Variants in FBXL17 observed in about 807,000 individuals in gnomAD.
FBXL17 encodes F-box and leucine rich repeat protein 17, also known as F-box/LRR-repeat protein 17.
A neutral mutation model predicts 66.2 loss-of-function variants in FBXL17; 22 were observed. The ratio of observed to expected loss-of-function variants is 0.33; its 90% CI spans 0.24 to 0.47. FBXL17 has a LOEUF of 0.47. FBXL17 is among the 20% of genes least tolerant of loss of function. The pLI is 1.00. For synonymous variants in FBXL17, 474 were observed against 400.5 expected (o/e 1.18, Z -2.19); for missense variants, 878 against 948.2 (o/e 0.93, Z 0.97).
intron 5 of FBXL17, among the ~76,000 whole-genome samples, chr5:108,198,688 A>G (rs1386352144): frequency 6.6e-6 from 1 of 152,206 alleles, no homozygotes; most frequent in Non-Finnish European, 1.5e-5. Flanking sequence ...ATTGTTCTAT[A>G]AACAGTTCCA....
At chr5:108,179,022 T>C (rs114774032) in intron 6 of FBXL17, among the ~76,000 whole-genome samples, 1,941 of 152,296 alleles carry the variant, frequency 0.013, 45 homozygotes, top group African/African-American at 0.043. Context: ...GGGATTGAAA[T>C]GAAATAAAAT....
intron 6 of FBXL17, among the ~76,000 whole-genome samples, chr5:108,072,776 T>C (rs1372093330): frequency 6.6e-6 from 1 of 152,188 alleles, no homozygotes; most frequent in African/African-American, 2.4e-5. Context: ...ACATTTATTA[T>C]CTCATTCCTC....
At position 107,859,390 on chromosome 5, in the gene FBXL17, G is replaced by GTTTTTTTTTTTTTTTTTTTTTTTT. The variant is rs549840338; in HGVS notation, c.*2306_*2329dup. On this transcript the variant is annotated 3_prime_UTR_variant, in exon 9 of 9. Transcript: ENST00000542267. ...CTCAAGGTGATGCTTTTTTCTGGCT[G>GTTTTTTTTTTTTTTTTTTTTTTTT]TTTTTTTTTTTTTTTTTTTTTTTTT... is the stretch of plus-strand genomic sequence containing the variant. 1.0e-4 allele frequency: 6 copies of GTTTTTTTTTTTTTTTTTTTTTTTT among 60,180 alleles called. No individual in the cohort carries two copies. The highest frequency in any genetic ancestry group is 5.8e-4 in the East Asian group (1 of 1,720). 3.7% of individuals were successfully genotyped at this position (60,180 alleles called of 1,614,324 possible). A position where few individuals can be genotyped will look rare whatever the true frequency, so the allele number is the denominator to read the frequency against.
chr5:108,365,458 A>T (rs1451899142), intron 2 of FBXL17, among the ~76,000 whole-genome samples: 1 of 152,154 alleles, frequency 6.6e-6, no homozygotes, highest in East Asian at 1.9e-4. Context: ...ACAGAGATTC[A>T]GATGGTAAAC....
At chr5:108,083,250 C>CACACACACACACACACACAGAG (rs369652150) in intron 6 of FBXL17, among the ~76,000 whole-genome samples, 1 of 145,582 alleles carries the variant, frequency 6.9e-6, no homozygotes, top group African/African-American at 2.6e-5. Context: ...CACACACACA[C>CACACACACACACACACACAGAG]AGAGAGAGAG....
At chr5:108,236,192 A>C (rs531800784) in intron 4 of FBXL17, among the ~76,000 whole-genome samples, 3 of 152,172 alleles carry the variant, frequency 2.0e-5, no homozygotes, top group Admixed American at 2.0e-4. Flanking sequence ...CCTGGGTGAC[A>C]GAGTGAGACC....
intron 7 of FBXL17, among the ~76,000 whole-genome samples, chr5:107,979,100 G>C (rs1752704201): frequency 6.6e-6 from 1 of 152,174 alleles, no homozygotes; most frequent in South Asian, 2.1e-4. Context: ...GGTTACTCCA[G>C]TTCCTGACAT....
intron 4 of FBXL17, among the ~76,000 whole-genome samples, chr5:108,271,476 A>ATACAG (rs1757263973): frequency 2.0e-5 from 3 of 152,208 alleles, no homozygotes; most frequent in African/African-American, 7.2e-5. Context: ...ATTCATTACA[A>ATACAG]TACAGACTCA....
intron 6 of FBXL17, among the ~76,000 whole-genome samples, chr5:108,075,320 C>A (rs965022592): frequency 1.3e-5 from 2 of 152,176 alleles, no homozygotes; most frequent in Non-Finnish European, 2.9e-5. Flanking sequence ...CTCTAACTAA[C>A]ACAAAATCAT....
rs1008061883 is a variant in FBXL17 at position 108,198,149 on chromosome 5, C to T, written c.1615-11902G>A. Reference sequence around the variant, plus strand: ...CCGTCAACAGGTCCCTATGGCTTCTCTCTGTAGAAGAGGTTTACTGCATAG... The same window carrying T: ...CCGTCAACAGGTCCCTATGGCTTCTTTCTGTAGAAGAGGTTTACTGCATAG... On this transcript the variant is annotated intron_variant, in intron 5 of 8. Transcript: ENST00000542267. Among the ~76,000 whole-genome samples, 6 of 152,256 alleles carry T rather than the reference C, an allele frequency of 3.9e-5. No homozygotes were observed. In the East Asian group the frequency reaches 9.7e-4, roughly 25 times the overall value.
intron 7 of FBXL17, among the ~76,000 whole-genome samples, chr5:107,990,598 C>T (rs2112691241): frequency 6.6e-6 from 1 of 152,206 alleles, no homozygotes; most frequent in East Asian, 1.9e-4. Context: ...AAATCCCTAG[C>T]AGAAGAGCTG....
intron 5 of FBXL17, among the ~76,000 whole-genome samples, chr5:108,214,977 C>G (rs959564077): frequency 1.3e-5 from 2 of 152,114 alleles, no homozygotes; most frequent in African/African-American, 4.8e-5. Flanking sequence ...GCCTTTGTAG[C>G]TATCCTCTTT....
At position 108,045,620 on chromosome 5, in the gene FBXL17, A is replaced by G. The variant is rs138126524; in HGVS notation, c.1746-24619T>C. Among the ~76,000 whole-genome samples the G allele has an allele frequency of 5.6e-3, 847 of 152,240 alleles. 7 individuals are homozygous for G. The highest frequency in any genetic ancestry group is 0.02 in the African/African-American group (815 of 41,530). ...AATTTCCTCTTAGCACTATTTTAGCAGTTTTCTAATACCAAATTTAGAAAA... is the reference window on the plus strand; with the variant it reads ...AATTTCCTCTTAGCACTATTTTAGCGGTTTTCTAATACCAAATTTAGAAAA... On this transcript the variant is annotated intron_variant, in intron 6 of 8. Coordinates refer to ENST00000542267, the MANE Select transcript of FBXL17 (RefSeq NM_001163315.3).
At chr5:108,092,256 A>G (rs946140088) in intron 6 of FBXL17, among the ~76,000 whole-genome samples, 2 of 152,328 alleles carry the variant, frequency 1.3e-5, no homozygotes, top group East Asian at 3.9e-4. Flanking sequence ...ATGAGAGTAG[A>G]TAACACTTGG....
chr5:108,317,524 T>A (rs1759426013), intron 4 of FBXL17, among the ~76,000 whole-genome samples: 1 of 151,196 alleles, frequency 6.6e-6, no homozygotes, highest in Non-Finnish European at 1.5e-5. Context: ...TGGAGATTTT[T>A]AAAAATAGTA....
At chr5:107,973,836 G>A (rs1262141620) in intron 7 of FBXL17, among the ~76,000 whole-genome samples, 1 of 142,388 alleles carries the variant, frequency 7.0e-6, no homozygotes, top group African/African-American at 2.5e-5. Context: ...AGACTTTGGG[G>A]GTAATCTAAA....
intron 4 of FBXL17, among the ~76,000 whole-genome samples, chr5:108,226,908 T>C (rs1755125040): frequency 6.6e-6 from 1 of 152,136 alleles, no homozygotes. Context: ...ATTTACACCA[T>C]TAGTTTTTGT....
At chr5:107,992,640 T>A (rs935533626) in intron 7 of FBXL17, among the ~76,000 whole-genome samples, 2 of 152,160 alleles carry the variant, frequency 1.3e-5, no homozygotes, top group Non-Finnish European at 2.9e-5. Context: ...ATTTTAAAAA[T>A]TTTTTTATCA....
At chr5:108,138,076 A>G (rs558072821) in intron 6 of FBXL17, among the ~76,000 whole-genome samples, 147 of 152,320 alleles carry the variant, frequency 9.7e-4, no homozygotes, top group South Asian at 2.3e-3. Flanking sequence ...AGATAACTTA[A>G]AGATTCTAAA....
Sources: gnomAD v4.1 joint callset for allele counts (sites outside exome capture counted in the v4.1 genomes callset) on GRCh38, gnomAD v4.1.1 for gene constraint, MANE v1.5 for transcripts, NCBI Gene and HGNC (gene_info 2026-07-23, HGNC 2026-07-21) for gene names.